RBFOX1: variants seen among roughly 807,000 people sequenced by gnomAD.
The protein encoded by RBFOX1 is RNA binding fox-1 homolog 1.
In RBFOX1, 8 loss-of-function variants were observed where a neutral mutation model predicts 57.7. The ratio of observed to expected loss-of-function variants is 0.14; its 90% CI spans 0.08 to 0.25. RBFOX1 has a LOEUF of 0.25. Ranked by LOEUF, RBFOX1 falls within the 10% of genes least tolerant of loss-of-function variation. The pLI is 1.00. For synonymous variants in RBFOX1, 326 were observed against 222.4 expected, an observed-to-expected ratio of 1.47 and a Z score of -4.15; for missense variants, 611 against 548.5, an observed-to-expected ratio of 1.11 and a Z score of -1.14.
intron 3 of RBFOX1, chr16:6,773,985 G>C: frequency 2.0e-6 from 2 of 985,324 alleles, no homozygotes; most frequent in South Asian, 9.4e-5. Context: ...GTTTTCAACT[G>C]AACCTGTAAT....
chr16:5,320,923 GGCTGAC>G (rs1388862974), intron 1 of RBFOX1, among the ~76,000 whole-genome samples: 1 of 152,166 alleles, frequency 6.6e-6, no homozygotes, highest in African/African-American at 2.4e-5. Context: ...CCCTGCCTCT[GGCTGAC>G]CCTGGCTGTG....
At chr16:6,500,168 CTT>C (rs1445391279) in intron 2 of RBFOX1, among the ~76,000 whole-genome samples, 5 of 152,180 alleles carry the variant, frequency 3.3e-5, no homozygotes, top group Non-Finnish European at 1.5e-5. Flanking sequence ...CACGCCAACT[CTT>C]TTTAAATACC....
chr16:6,567,025 C>G (rs1048249067), intron 2 of RBFOX1, among the ~76,000 whole-genome samples: 1 of 152,182 alleles, frequency 6.6e-6, no homozygotes, highest in Admixed American at 6.5e-5. Context: ...TTATATTACA[C>G]AGTCAAATCG....
chr16:6,828,235 A>G (rs1223060033), intron 3 of RBFOX1, among the ~76,000 whole-genome samples: 1 of 152,072 alleles, frequency 6.6e-6, no homozygotes, highest in Non-Finnish European at 1.5e-5. Context: ...CAGCATAGTA[A>G]AAATTTCAGG....
At chr16:7,545,118 T>C (rs1019548442) in intron 5 of RBFOX1, among the ~76,000 whole-genome samples, 1 of 152,202 alleles carries the variant, frequency 6.6e-6, no homozygotes, top group Non-Finnish European at 1.5e-5. Flanking sequence ...TTATCTTTTT[T>C]TCCTAGGGTC....
chr16:5,740,897 G>A (rs1297774544), intron 3 of RBFOX1, among the ~76,000 whole-genome samples: 3 of 152,188 alleles, frequency 2.0e-5, no homozygotes, highest in Non-Finnish European at 2.9e-5. Context: ...GGGAACGGAA[G>A]TCACCGTTTG....
At chr16:7,356,121 G>C (rs2097210064) in intron 4 of RBFOX1, among the ~76,000 whole-genome samples, 1 of 152,166 alleles carries the variant, frequency 6.6e-6, no homozygotes, top group Non-Finnish European at 1.5e-5. Flanking sequence ...TCACTTATAA[G>C]GTCAGTATGT....
At chr16:5,290,566 A>T (rs1266722075) in intron 1 of RBFOX1, among the ~76,000 whole-genome samples, 2 of 152,226 alleles carry the variant, frequency 1.3e-5, no homozygotes, top group Admixed American at 1.3e-4. Flanking sequence ...AGTTATATTA[A>T]ACAAGTAAAA....
chr16:6,443,640 C>G (rs1185862092), intron 2 of RBFOX1, among the ~76,000 whole-genome samples: 1 of 152,146 alleles, frequency 6.6e-6, no homozygotes, highest in Non-Finnish European at 1.5e-5. Context: ...TACTTGTTAC[C>G]AAGGATGCAA....
chr16:7,072,539 GT>G (rs1298838680), intron 4 of RBFOX1, among the ~76,000 whole-genome samples: 5 of 152,140 alleles, frequency 3.3e-5, no homozygotes, highest in African/African-American at 9.7e-5. Context: ...AGTGGCTATT[GT>G]TTTTTGTTGT....
At chr16:6,526,774 G>A (rs112265843) in intron 2 of RBFOX1, among the ~76,000 whole-genome samples, 4,977 of 131,892 alleles carry the variant, frequency 0.038, 329 homozygotes, top group African/African-American at 0.13. Context: ...AGCTTGCAGC[G>A]AGCCGAGATT....
intron 2 of RBFOX1, among the ~76,000 whole-genome samples, chr16:6,508,869 CAAA>C (rs34095008): frequency 1.2e-4 from 17 of 144,424 alleles, no homozygotes; most frequent in African/African-American, 4.3e-4. Flanking sequence ...CGAATCATAA[CAAA>C]AAAAAAAAAA....
chr16:7,120,392 T>A (rs74008926), intron 4 of RBFOX1, among the ~76,000 whole-genome samples: 1 of 151,882 alleles, frequency 6.6e-6, no homozygotes, highest in African/African-American at 2.4e-5. Flanking sequence ...TAAATCTGGC[T>A]CTTTCAAAGC....
intron 3 of RBFOX1, among the ~76,000 whole-genome samples, chr16:5,673,561 G>A (rs1463231014): frequency 2.6e-5 from 4 of 152,172 alleles, no homozygotes; most frequent in African/African-American, 9.7e-5. Flanking sequence ...GGCCAGACCT[G>A]GTTGTTCCGT....
chr16:6,582,720 C>T (rs1173408015), intron 2 of RBFOX1, among the ~76,000 whole-genome samples: 1 of 151,584 alleles, frequency 6.6e-6, no homozygotes, highest in African/African-American at 2.4e-5. Context: ...CATCTTCTTC[C>T]TCTCCTGACC....
At chr16:7,691,655 A>G (rs1461323393) in intron 14 of RBFOX1, among the ~76,000 whole-genome samples, 1 of 152,160 alleles carries the variant, frequency 6.6e-6, no homozygotes, top group Non-Finnish European at 1.5e-5. Context: ...AAAGTTACCT[A>G]TTCGTTCAGT....
intron 1 of RBFOX1, among the ~76,000 whole-genome samples, chr16:6,107,201 T>C (rs959589200): frequency 1.3e-5 from 2 of 152,142 alleles, no homozygotes; most frequent in South Asian, 2.1e-4. Context: ...TGGGTCCCCA[T>C]CTGTGGCCTC....
intron 3 of RBFOX1, among the ~76,000 whole-genome samples, chr16:6,746,831 G>C (rs2073779643): frequency 6.6e-6 from 1 of 152,040 alleles, no homozygotes; most frequent in East Asian, 1.9e-4. Context: ...TCTGTTATAG[G>C]AATGTGAGAT....
chr16:7,365,352 C>CT (rs1433629239), intron 4 of RBFOX1, among the ~76,000 whole-genome samples: 3 of 152,092 alleles, frequency 2.0e-5, no homozygotes, highest in South Asian at 2.1e-4. Context: ...CAGGACTTAC[C>CT]TTTTTTTATA....
Sources: allele counts gnomAD v4.1 joint callset (sites outside exome capture counted in the v4.1 genomes callset), GRCh38; gene constraint gnomAD v4.1.1; transcripts MANE v1.5; gene names NCBI Gene and HGNC (gene_info 2026-07-23, HGNC 2026-07-21).